DLGAP1: variants seen among roughly 807,000 people sequenced by gnomAD.
The protein encoded by DLGAP1 is disks large-associated protein 1.
In DLGAP1, 11 loss-of-function variants were observed where a neutral mutation model predicts 90.8. That is an observed-to-expected ratio of 0.12 (90% CI 0.08 to 0.20). The LOEUF (loss-of-function observed/expected upper bound fraction) is 0.20, where lower values mean the gene tolerates loss of function less well. DLGAP1 is among the 10% of genes least tolerant of loss of function. DLGAP1 has a pLI of 1.00. For missense variants in DLGAP1, 1,050 were observed against 1,333.8 expected (o/e 0.79, Z 3.31); for synonymous variants, 558 against 540.7 (o/e 1.03, Z -0.44).
At chr18:4,354,325 T>C (rs2081460777) in intron 1 of DLGAP1, among the ~76,000 whole-genome samples, 1 of 152,084 alleles carries the variant, frequency 6.6e-6, no homozygotes. Flanking sequence ...TGGAAGATGG[T>C]CATAGAGAAA....
intron 9 of DLGAP1, among the ~76,000 whole-genome samples, chr18:3,562,750 G>A (rs969260196): frequency 6.0e-5 from 9 of 150,084 alleles, no homozygotes; most frequent in African/African-American, 4.9e-5. Flanking sequence ...CTGTGTCTCC[G>A]AAAGTGTTGG....
chr18:3,921,473 T>A (rs1395778217), intron 3 of DLGAP1, among the ~76,000 whole-genome samples: 1 of 152,214 alleles, frequency 6.6e-6, no homozygotes, highest in African/African-American at 2.4e-5. Flanking sequence ...GTTTGAAGTC[T>A]GGCTCTATCC....
intron 9 of DLGAP1, among the ~76,000 whole-genome samples, chr18:3,564,194 G>A (rs2054306041): frequency 6.6e-6 from 1 of 152,204 alleles, no homozygotes; most frequent in Non-Finnish European, 1.5e-5. Context: ...ATTTAGTAAT[G>A]TACTGGTAAG....
At chr18:3,667,783 G>A (rs889026543) in intron 7 of DLGAP1, among the ~76,000 whole-genome samples, 19 of 152,216 alleles carry the variant, frequency 1.2e-4, no homozygotes, top group Admixed American at 1.0e-3. Flanking sequence ...CTAGGCCAGA[G>A]CCGGAATGAC....
intron 1 of DLGAP1, among the ~76,000 whole-genome samples, chr18:4,393,156 C>T (rs2082372396): frequency 6.6e-6 from 1 of 152,184 alleles, no homozygotes; most frequent in Non-Finnish European, 1.5e-5. Context: ...CACTTGCATA[C>T]TTGAACAATT....
Position 3,520,812 on chromosome 18 carries a change from C to T in DLGAP1, c.2480-12151G>A, listed in dbSNP as rs184522291. ...TCCCCATTCTCCAAAGGGCAGCATGCCTTCGCTCTCGTATTTCTTCTGCTC... is the reference window on the plus strand; with the variant it reads ...TCCCCATTCTCCAAAGGGCAGCATGTCTTCGCTCTCGTATTTCTTCTGCTC... On this transcript the variant is annotated intron_variant, in intron 10 of 12. Coordinates refer to ENST00000315677, the MANE Select transcript of DLGAP1 (RefSeq NM_004746.4). Among the ~76,000 whole-genome samples the T allele has an allele frequency of 1.4e-3, 206 of 152,336 alleles. No homozygotes were observed. In the Middle Eastern group the frequency reaches 0.014, roughly 10 times the overall value.
intron 1 of DLGAP1, among the ~76,000 whole-genome samples, chr18:4,267,098 T>C (rs1212707451): frequency 1.3e-5 from 2 of 152,226 alleles, no homozygotes; most frequent in African/African-American, 4.8e-5. Context: ...GTGTATTGGT[T>C]TGGGACATTT....
In DLGAP1 at chr18:4,105,768, C is replaced by T. The variant is rs538494695; in HGVS notation, c.-159+45412G>A. 9.2e-5 allele frequency among the ~76,000 whole-genome samples: 14 copies of T among 152,210 alleles called. No homozygotes were observed. The South Asian group carries it at 1.9e-3, about 20-fold the overall frequency. On this transcript the variant is annotated intron_variant, in intron 2 of 12. Transcript: ENST00000315677. ...TAATTAGGCCGGGCGCGGTGGCTCA[C>T]GCCTGTAATCCCAGCACTTTGGGAG...
At chr18:4,200,885 A>G (rs1245266630) in intron 1 of DLGAP1, among the ~76,000 whole-genome samples, 2 of 152,106 alleles carry the variant, frequency 1.3e-5, no homozygotes. Context: ...GACATAAAGG[A>G]TTTATTTCAG....
chr18:4,381,380 A>G (rs1018591446), intron 1 of DLGAP1, among the ~76,000 whole-genome samples: 2 of 152,210 alleles, frequency 1.3e-5, no homozygotes, highest in African/African-American at 4.8e-5. Flanking sequence ...AGCTATAGTG[A>G]GCATATTTCA....
Position 3,814,203 on chromosome 18 carries a change from C to A in DLGAP1, c.1028G>T (p.Arg343Leu), listed in dbSNP as rs766781410. Residue 343 changes from arginine (R) to leucine (L), a missense_variant, in exon 5 of 13, where the codon CGG becomes CTG. By Grantham distance (102) the Arg-to-Leu change is moderately radical (BLOSUM62 -2). Transcript: ENST00000315677. ...KDDEIPCRRM[R>L]SGSYIKAMGD... ...CATGGCCTTGATATAACTGCCACTC[C>A]GCATTCTTCGGCATGGAATTTCATC... 1 of 1,614,148 alleles carries A rather than the reference C, an allele frequency of 6.2e-7. No individual in the cohort carries two copies.
intron 1 of DLGAP1, among the ~76,000 whole-genome samples, chr18:4,172,404 A>G (rs57842477): frequency 0.029 from 4,412 of 152,296 alleles, 218 homozygotes; most frequent in African/African-American, 0.1. Context: ...TCTTGTACAC[A>G]GGCAACTTTC....
At chr18:3,935,124 A>G (rs981741648) in intron 3 of DLGAP1, among the ~76,000 whole-genome samples, 1 of 149,462 alleles carries the variant, frequency 6.7e-6, no homozygotes, top group Non-Finnish European at 1.5e-5. Context: ...TCTTGTACAC[A>G]ATGCTTTATA....
At chr18:3,880,681 G>C (rs911657319) in intron 3 of DLGAP1, among the ~76,000 whole-genome samples, 1 of 151,126 alleles carries the variant, frequency 6.6e-6, no homozygotes, top group South Asian at 2.2e-4. Flanking sequence ...GGTGGCTCAC[G>C]CCTGTAATCC....
intron 2 of DLGAP1, among the ~76,000 whole-genome samples, chr18:4,109,166 GC>G (rs11350111): frequency 0.45 from 68,147 of 151,796 alleles, 15,567 homozygotes; most frequent in African/African-American, 0.51. Context: ...TCCGCAACTG[GC>G]ACTCGGGGTG....
At chr18:3,923,002 C>T (rs918365424) in intron 3 of DLGAP1, among the ~76,000 whole-genome samples, 10 of 151,800 alleles carry the variant, frequency 6.6e-5, no homozygotes, top group African/African-American at 1.9e-4. Context: ...GGCGTGGTGG[C>T]GCACGCCTGT....
In DLGAP1 at chr18:3,683,870, C is replaced by T. The variant is rs1394367801; in HGVS notation, c.1591+45265G>A. ...GGTATGTTTTTTGGGAAATCACTTA[C>T]TCTTCAAGATTCTTAATTTTTTCAT... On this transcript the variant is annotated intron_variant, in intron 7 of 12. Transcript: ENST00000315677. Among the ~76,000 whole-genome samples, 3 of 152,094 alleles carry T rather than the reference C, an allele frequency of 2.0e-5. No homozygotes were observed. In the South Asian group the frequency reaches 6.2e-4, roughly 32 times the overall value.
intron 2 of DLGAP1, among the ~76,000 whole-genome samples, chr18:4,033,588 T>C (rs2074834549): frequency 6.6e-6 from 1 of 152,196 alleles, no homozygotes; most frequent in Non-Finnish European, 1.5e-5. Context: ...ACATTTACAT[T>C]CCTGCCAGCA....
chr18:3,707,981 AACTGCAT>A (rs1269021757), intron 7 of DLGAP1, among the ~76,000 whole-genome samples: 3 of 151,618 alleles, frequency 2.0e-5, no homozygotes, highest in East Asian at 1.9e-4. Context: ...AATGGCAAAA[AACTGCAT>A]ACAACTCATC....
Sources: allele counts gnomAD v4.1 joint callset (sites outside exome capture counted in the v4.1 genomes callset), GRCh38; gene constraint gnomAD v4.1.1; transcripts MANE v1.5; gene names NCBI Gene and HGNC (gene_info 2026-07-23, HGNC 2026-07-21).